Variants in CSMD3 observed in about 807,000 individuals in gnomAD.
CSMD3 encodes CUB and sushi domain-containing protein 3.
Under a neutral mutation model 435.2 loss-of-function variants are expected in CSMD3, and 177 were observed. That is an observed-to-expected ratio of 0.41 (90% CI 0.36 to 0.46). The LOEUF (loss-of-function observed/expected upper bound fraction) is 0.46. CSMD3 is among the 20% of genes least tolerant of loss of function. The pLI, the probability that CSMD3 is intolerant of heterozygous loss-of-function variation, is 0.34. For synonymous variants in CSMD3, 1,656 were observed against 1,520.5 expected, an observed-to-expected ratio of 1.09 and a Z score of -2.07; for missense variants, 4,265 against 4,504.6, an observed-to-expected ratio of 0.95 and a Z score of 1.52.
At chr8:112,870,037 TA>T (rs920676320) in intron 10 of CSMD3, among the ~76,000 whole-genome samples, 1 of 152,198 alleles carries the variant, frequency 6.6e-6, no homozygotes, top group Admixed American at 6.5e-5. Context: ...TCCCAGAACT[TA>T]AAAATTTTAA....
intron 4 of CSMD3, among the ~76,000 whole-genome samples, chr8:113,168,193 T>C (rs1235617407): frequency 6.6e-6 from 1 of 151,932 alleles, no homozygotes; most frequent in East Asian, 1.9e-4. Flanking sequence ...AAAAAGGAGA[T>C]GACAGTTTAC....
chr8:112,864,521 G>A (rs953662852), intron 10 of CSMD3, among the ~76,000 whole-genome samples: 2 of 152,072 alleles, frequency 1.3e-5, no homozygotes, highest in African/African-American at 2.4e-5. Flanking sequence ...GAAATGCTGG[G>A]ATTACAGGCG....
At chr8:113,196,408 A>C (rs1258286975) in intron 3 of CSMD3, among the ~76,000 whole-genome samples, 1 of 151,188 alleles carries the variant, frequency 6.6e-6, no homozygotes, top group Non-Finnish European at 1.5e-5. Flanking sequence ...GGGTGAATAG[A>C]CTTTAGAAGA....
intron 6 of CSMD3, among the ~76,000 whole-genome samples, chr8:112,984,622 T>C (rs935175629): frequency 5.9e-5 from 9 of 152,124 alleles, no homozygotes; most frequent in African/African-American, 2.2e-4. Flanking sequence ...GATAAGTCTG[T>C]TGCTTAATTA....
intron 3 of CSMD3, among the ~76,000 whole-genome samples, chr8:113,277,287 G>A (rs779798571): frequency 2.2e-4 from 34 of 152,054 alleles, no homozygotes; most frequent in Admixed American, 2.1e-3. Context: ...GAAAAACAAC[G>A]ATTATTACTA....
chr8:112,295,197 T>G (rs1820147939), intron 54 of CSMD3, among the ~76,000 whole-genome samples: 2 of 152,130 alleles, frequency 1.3e-5, no homozygotes, highest in South Asian at 4.1e-4. Flanking sequence ...TGCAATGCAT[T>G]TTGAGGTTAA....
chr8:112,713,163 C>A (rs1434290898), intron 13 of CSMD3, among the ~76,000 whole-genome samples: 1 of 151,932 alleles, frequency 6.6e-6, no homozygotes, highest in Non-Finnish European at 1.5e-5. Context: ...GAGATCCCAC[C>A]CCTTAGCCAA....
chr8:113,041,200 C>G (rs1380960907), intron 5 of CSMD3, among the ~76,000 whole-genome samples: 1 of 108,224 alleles, frequency 9.2e-6, no homozygotes, highest in Non-Finnish European at 1.7e-5. Flanking sequence ...AGTGAGACTC[C>G]GTCTTAAAAA....
chr8:112,528,778 C>T (rs974584948), intron 27 of CSMD3, among the ~76,000 whole-genome samples: 3 of 152,102 alleles, frequency 2.0e-5, no homozygotes, highest in Non-Finnish European at 4.4e-5. Context: ...ACCACTGGCA[C>T]AGTGACATAT....
rs536376588 is a variant in CSMD3, at chr8:112,901,178, C to T, written c.1633+20449G>A. 7.3e-5 allele frequency among the ~76,000 whole-genome samples: 11 copies of T among 151,328 alleles called. No homozygotes were observed. The East Asian group carries it at 1.8e-3, about 24-fold the overall frequency. On this transcript the variant is annotated intron_variant, in intron 10 of 70. Transcript: ENST00000297405. ...CAAATTGTGAGAATTTTGACTTTTGCTTCAGATATGAGGGGCAGTGAGATT... is the reference window on the plus strand; with the variant it reads ...CAAATTGTGAGAATTTTGACTTTTGTTTCAGATATGAGGGGCAGTGAGATT...
intron 36 of CSMD3, among the ~76,000 whole-genome samples, chr8:112,384,242 C>CA (rs993503541): frequency 9.2e-5 from 14 of 151,738 alleles, no homozygotes; most frequent in Non-Finnish European, 1.6e-4. Flanking sequence ...ATGGATGACA[C>CA]AAAAAAATGA....
intron 4 of CSMD3, among the ~76,000 whole-genome samples, chr8:113,109,731 T>C (rs1450084741): frequency 6.6e-6 from 1 of 152,182 alleles, no homozygotes; most frequent in Admixed American, 6.5e-5. Flanking sequence ...AACAGTCTAC[T>C]GGTCTGGATT....
intron 4 of CSMD3, among the ~76,000 whole-genome samples, chr8:113,131,631 G>T (rs530310762): frequency 2.0e-4 from 30 of 152,144 alleles, no homozygotes; most frequent in Admixed American, 5.9e-4. Flanking sequence ...CCTCCGCTAG[G>T]AAAGTGCAGA....
intron 45 of CSMD3, among the ~76,000 whole-genome samples, chr8:112,323,227 G>A (rs999933947): frequency 2.0e-5 from 3 of 151,956 alleles, no homozygotes; most frequent in Non-Finnish European, 4.4e-5. Context: ...CACTACAAAA[G>A]GCTTAATCAT....
rs7832207 is a variant in CSMD3 at position 112,421,579 on chromosome 8, T to C, written c.5396-12547A>G. ...ATATATGTTATATATATGTAATATATTTATAATATATATTACATATAATAA... is the reference window on the plus strand; with the variant it reads ...ATATATGTTATATATATGTAATATACTTATAATATATATTACATATAATAA... On this transcript the variant is annotated intron_variant, in intron 32 of 70. Coordinates refer to ENST00000297405, the MANE Select transcript of CSMD3 (RefSeq NM_198123.2). Among the ~76,000 whole-genome samples, 353 of 146,936 alleles carry C rather than the reference T, an allele frequency of 2.4e-3. 3 individuals are homozygous for C. The highest frequency in any genetic ancestry group is 7.2e-3 in the African/African-American group (290 of 40,422).
At chr8:112,874,019 C>A (rs757025629) in intron 10 of CSMD3, among the ~76,000 whole-genome samples, 2 of 152,088 alleles carry the variant, frequency 1.3e-5, no homozygotes, top group South Asian at 2.1e-4. Context: ...GATTTTAGAT[C>A]TTTCCTGCTT....
chr8:113,436,430 C>T (rs1430035150), intron 1 of CSMD3, among the ~76,000 whole-genome samples: 1 of 152,194 alleles, frequency 6.6e-6, no homozygotes, highest in Non-Finnish European at 1.5e-5. Context: ...AACCAACTCA[C>T]GTATTCGTTT....
chr8:112,532,021 A>AT (rs1825589316), intron 27 of CSMD3, among the ~76,000 whole-genome samples: 1 of 151,304 alleles, frequency 6.6e-6, no homozygotes. Flanking sequence ...TATATATATA[A>AT]ATATAAATAA....
intron 14 of CSMD3, among the ~76,000 whole-genome samples, chr8:112,686,666 A>G (rs1356886019): frequency 3.9e-5 from 6 of 152,000 alleles, no homozygotes; most frequent in African/African-American, 1.4e-4. Context: ...TTGTATTTTT[A>G]GTAGAGATGG....
Sources: gnomAD v4.1 joint callset for allele counts (sites outside exome capture counted in the v4.1 genomes callset) on GRCh38, gnomAD v4.1.1 for gene constraint, MANE v1.5 for transcripts, NCBI Gene and HGNC (gene_info 2026-07-23, HGNC 2026-07-21) for gene names.